The following PCDHGA3 variants were observed in gnomAD, a reference collection of about 807,000 sequenced individuals.
PCDHGA3 encodes the protein protocadherin gamma-A3.
PCDHGA3 carries 40 observed loss-of-function variants against 58.5 expected under a neutral mutation model. The observed-to-expected ratio is 0.68, with a 90% CI of 0.53 to 0.89. The LOEUF (loss-of-function observed/expected upper bound fraction) is 0.89, where lower values mean the gene tolerates loss of function less well. Among genes scored for constraint, PCDHGA3 ranks in the 40% least tolerant of loss-of-function variants. The pLI, the probability that PCDHGA3 is intolerant of heterozygous loss-of-function variation, is 0.00. For missense variants in PCDHGA3, 1,223 were observed against 1,195.9 expected (o/e 1.02, Z -0.33); for synonymous variants, 530 against 525.7 (o/e 1.01, Z -0.11).
chr5:141,425,943 C>T (rs2096904576), intron 1 of PCDHGA3, among the ~76,000 whole-genome samples: 1 of 152,220 alleles, frequency 6.6e-6, no homozygotes, highest in African/African-American at 2.4e-5. Flanking sequence ...TGTCTAGTTT[C>T]CTATACATTA....
chr5:141,410,847 G>GTATTTT, intron 1 of PCDHGA3: 1 of 158,250 alleles, frequency 6.3e-6, no homozygotes, highest in Non-Finnish European at 1.0e-5. Flanking sequence ...TTTTGTCTTT[G>GTATTTT]TCTTTTTTTT....
rs1353944459 is a variant in PCDHGA3, at chr5:141,365,774, G to A, written c.2424+19317G>A. 3 of 1,613,874 alleles carry A rather than the reference G, an allele frequency of 1.9e-6. No individual in the cohort carries two copies. The highest frequency in any genetic ancestry group is 1.3e-5 in the African/African-American group (1 of 75,032). On this transcript the variant is annotated intron_variant, in intron 1 of 3. Transcript: ENST00000253812. ...TGTGACAGCCCATGACCCCGACAGC[G>A]GCGACAACGCTCGAGTCACCTACTC...
intron 1 of PCDHGA3, among the ~76,000 whole-genome samples, chr5:141,447,863 A>G (rs553375129): frequency 6.6e-6 from 1 of 152,254 alleles, no homozygotes; most frequent in East Asian, 1.9e-4. Flanking sequence ...AGGTGGGTGA[A>G]TCATCTGAGG....
At chr5:141,427,683 G>C in intron 1 of PCDHGA3, 1 of 836,052 alleles carries the variant, frequency 1.2e-6, no homozygotes. Flanking sequence ...CCTTCCCGGA[G>C]CCTCCATCCC....
At chr5:141,465,905 G>C (rs938438286) in intron 1 of PCDHGA3, among the ~76,000 whole-genome samples, 8 of 151,958 alleles carry the variant, frequency 5.3e-5, no homozygotes, top group Non-Finnish European at 8.8e-5. Context: ...GGCAAATCAC[G>C]AGGTCAGGAT....
At chr5:141,444,561 G>A (rs1554133061) in intron 1 of PCDHGA3, among the ~76,000 whole-genome samples, 2 of 152,098 alleles carry the variant, frequency 1.3e-5, no homozygotes, top group Non-Finnish European at 2.9e-5. Context: ...GCACTTATTT[G>A]ACACTTTTGA....
intron 1 of PCDHGA3, among the ~76,000 whole-genome samples, chr5:141,443,832 A>G (rs2098407108): frequency 6.6e-6 from 1 of 152,224 alleles, no homozygotes; most frequent in African/African-American, 2.4e-5. Context: ...ATTAGGTAAA[A>G]TGGGTAATAT....
At position 141,436,288 on chromosome 5, in the gene PCDHGA3, C is replaced by T. The variant is rs533281663; in HGVS notation, c.2425-58519C>T. On this transcript the variant is annotated intron_variant, in intron 1 of 3. Coordinates refer to ENST00000253812, the MANE Select transcript of PCDHGA3 (RefSeq NM_018916.4). ...CACCTAACTTGATTTAGGAACAAATCATTGAGAGTTAGAGCATGAATAGTC... is the reference window on the plus strand; with the variant it reads ...CACCTAACTTGATTTAGGAACAAATTATTGAGAGTTAGAGCATGAATAGTC... 3.9e-3 allele frequency among the ~76,000 whole-genome samples: 590 copies of T among 152,274 alleles called. 9 individuals are homozygous for T. Among genetic ancestry groups the T allele is most frequent in the Middle Eastern group, 0.01 (3 of 294 alleles).
chr5:141,366,256 C>T (rs751677361), intron 1 of PCDHGA3: 9 of 1,613,584 alleles, frequency 5.6e-6, no homozygotes, highest in African/African-American at 2.7e-5. Context: ...AGCAGAGCCT[C>T]GTGGTGGCCG....
intron 1 of PCDHGA3, chr5:141,421,617 C>A (rs781622911): frequency 6.2e-7 from 1 of 1,613,768 alleles, no homozygotes; most frequent in South Asian, 1.1e-5. Flanking sequence ...TTAATGATAA[C>A]GCCCCCAGCT....
intron 1 of PCDHGA3, chr5:141,350,037 G>A: frequency 2.6e-6 from 1 of 384,398 alleles, no homozygotes; most frequent in Non-Finnish European, 4.6e-6. Context: ...CAACCTCTGG[G>A]CGCCGCTGTC....
At chr5:141,389,638 T>C in intron 1 of PCDHGA3, 1 of 1,612,986 alleles carries the variant, frequency 6.2e-7, no homozygotes, top group Non-Finnish European at 8.5e-7. Flanking sequence ...CCTGGCTACT[T>C]GGTGACCAAG....
chr5:141,439,568 A>G (rs2098121048), intron 1 of PCDHGA3, among the ~76,000 whole-genome samples: 1 of 152,208 alleles, frequency 6.6e-6, no homozygotes, highest in Non-Finnish European at 1.5e-5. Context: ...GTTCTAGAGT[A>G]GGGACTCAGA....
intron 1 of PCDHGA3, chr5:141,388,301 G>C (rs1323976869): frequency 6.2e-7 from 1 of 1,613,606 alleles, no homozygotes; most frequent in African/African-American, 1.3e-5. Context: ...ATTCCTTTGA[G>C]CTGCAAATAA....
At chr5:141,504,134 A>G (rs73280371) in intron 2 of PCDHGA3, among the ~76,000 whole-genome samples, 139 of 152,168 alleles carry the variant, frequency 9.1e-4, no homozygotes, top group African/African-American at 3.1e-3. Flanking sequence ...TCCCGCCAAC[A>G]CTCCCCTGCA....
chr5:141,485,899 C>A lies in PCDHGA3; in HGVS notation c.2425-8908C>A, dbSNP rs775312856. 12 of 1,614,166 alleles carry A rather than the reference C, an allele frequency of 7.4e-6. No individual in the cohort carries two copies. The highest frequency in any genetic ancestry group is 8.5e-6 in the Non-Finnish European group (10 of 1,180,032). On this transcript the variant is annotated intron_variant, in intron 1 of 3. Coordinates refer to ENST00000253812, the MANE Select transcript of PCDHGA3 (RefSeq NM_018916.4). The surrounding 1 kb of genome is among the most constrained non-coding windows in gnomAD (Gnocchi z 5.7). ...ACGTAAACGACAACGCCCCAGCCTT[C>A]CAGCAATCCAGCTACAGGATTAGTG...
rs764222927 is a variant in PCDHGA3 at position 141,344,807 on chromosome 5, T to C, written c.774T>C (p.Gly258=). The change falls in exon 1 of 4, where the codon GGT becomes GGC. Residue 258 remains glycine (G), a synonymous_variant. Transcript: ENST00000253812. ...RVSVWENVPV[G]TRLLTVNATD... ...GTGTTTGGGAGAACGTGCCTGTGGG[T>C]ACCCGGCTGCTCACGGTGAATGCCA... 1 of 1,613,960 alleles carries C rather than the reference T, an allele frequency of 6.2e-7. No homozygotes were observed. Among genetic ancestry groups the C allele is most frequent in the South Asian group, 1.1e-5 (1 of 91,080 alleles).
intron 1 of PCDHGA3, chr5:141,398,353 A>G: frequency 2.9e-6 from 4 of 1,397,978 alleles, no homozygotes; most frequent in Non-Finnish European, 4.0e-6. Flanking sequence ...GCCTTACTTC[A>G]CCGTGAGCGC....
intron 1 of PCDHGA3, among the ~76,000 whole-genome samples, chr5:141,353,036 T>C (rs764117260): frequency 6.6e-6 from 1 of 152,160 alleles, no homozygotes; most frequent in African/African-American, 2.4e-5. Flanking sequence ...CTCATTGGTG[T>C]ATAAGTAATT....
Sources: gnomAD v4.1 joint callset for allele counts (sites outside exome capture counted in the v4.1 genomes callset) on GRCh38, gnomAD v4.1.1 for gene constraint, Gnocchi (gnomAD v3.1) non-coding constraint, MANE v1.5 for transcripts, NCBI Gene and HGNC (gene_info 2026-07-23, HGNC 2026-07-21) for gene names.